ZFHX3: variants seen among roughly 807,000 people sequenced by gnomAD.
ZFHX3 encodes zinc finger homeobox protein 3.
Under a neutral mutation model 279.1 loss-of-function variants are expected in ZFHX3, and 42 were observed. The observed-to-expected ratio is 0.15, with a 90% CI of 0.12 to 0.19. The LOEUF (loss-of-function observed/expected upper bound fraction) is 0.19, where lower values mean the gene tolerates loss of function less well. ZFHX3 is among the 10% of genes least tolerant of loss of function. The probability of loss-of-function intolerance (pLI) is 1.00; values close to 1 mark genes in which losing one functional copy is unlikely to be tolerated. For missense variants in ZFHX3, 4,981 were observed against 4,754.0 expected, an observed-to-expected ratio of 1.05 and a Z score of -1.40; for synonymous variants, 2,293 against 1,957.8, an observed-to-expected ratio of 1.17 and a Z score of -4.52.
chr16:73,366,573 A>G (rs1404909167), intron 3 of ZFHX3, among the ~76,000 whole-genome samples: 3 of 134,886 alleles, frequency 2.2e-5, no homozygotes, highest in Non-Finnish European at 4.7e-5. Context: ...CTCTACAAAA[A>G]TACCAAACCA....
intron 3 of ZFHX3, among the ~76,000 whole-genome samples, chr16:73,345,021 C>T (rs2016098588): frequency 6.6e-6 from 1 of 152,090 alleles, no homozygotes; most frequent in African/African-American, 2.4e-5. Flanking sequence ...TGCCCTGTAT[C>T]CCTTGTCCTG....
At chr16:73,012,483 T>A (rs1485902542) in intron 1 of ZFHX3, among the ~76,000 whole-genome samples, 1 of 152,086 alleles carries the variant, frequency 6.6e-6, no homozygotes, top group African/African-American at 2.4e-5. Flanking sequence ...TGGGCAAGGA[T>A]CTTAAATACA....
intron 2 of ZFHX3, among the ~76,000 whole-genome samples, chr16:73,667,326 A>T (rs2052853505): frequency 6.6e-6 from 1 of 152,322 alleles, no homozygotes; most frequent in Middle Eastern, 3.4e-3. Flanking sequence ...TAGTTGAAGG[A>T]CACCTGGACG....
rs117213381 is a variant in ZFHX3, at chr16:72,825,584, A to G, written c.3529+4195T>C. On this transcript the variant is annotated intron_variant, in intron 5 of 9. Transcript: ENST00000268489. ...ATGGCAAATTGGGATAAACAGATGA[A>G]GCAGGACCTGTGTACCTGTGAGCAA... 4.5e-4 allele frequency among the ~76,000 whole-genome samples: 68 copies of G among 152,314 alleles called. No homozygotes were observed. In the South Asian group the frequency reaches 6.4e-3, roughly 14 times the overall value.
At chr16:73,749,609 A>C (rs1160671315) in intron 1 of ZFHX3, among the ~76,000 whole-genome samples, 3 of 152,214 alleles carry the variant, frequency 2.0e-5, no homozygotes, top group Non-Finnish European at 2.9e-5. Flanking sequence ...CCAGTGAGAA[A>C]ATAAAGCACC....
chr16:73,683,586 G>C (rs559175939), intron 1 of ZFHX3, among the ~76,000 whole-genome samples: 3 of 152,076 alleles, frequency 2.0e-5, no homozygotes, highest in Admixed American at 1.3e-4. Context: ...TTGTTGCCAA[G>C]GCTGGAGTGC....
intron 3 of ZFHX3, among the ~76,000 whole-genome samples, chr16:73,361,133 A>T (rs972924171): frequency 2.0e-5 from 3 of 152,250 alleles, no homozygotes; most frequent in African/African-American, 7.2e-5. Flanking sequence ...AAGAGCATCA[A>T]GTGGTCTGGA....
chr16:73,670,549 G>T (rs2052894627), intron 2 of ZFHX3, among the ~76,000 whole-genome samples: 1 of 152,268 alleles, frequency 6.6e-6, no homozygotes, highest in Non-Finnish European at 1.5e-5. Flanking sequence ...TAGAAATGTA[G>T]CATGAAGATT....
At chr16:73,591,873 G>A (rs1057408383) in intron 2 of ZFHX3, among the ~76,000 whole-genome samples, 4 of 151,780 alleles carry the variant, frequency 2.6e-5, no homozygotes, top group African/African-American at 9.7e-5. Flanking sequence ...GTGGATATTT[G>A]ATGATATTAA....
chr16:73,625,730 G>A (rs989514879), intron 2 of ZFHX3, among the ~76,000 whole-genome samples: 1 of 152,216 alleles, frequency 6.6e-6, no homozygotes, highest in Non-Finnish European at 1.5e-5. Flanking sequence ...TAGGTCCAGG[G>A]TGGGGCCCAG....
chr16:73,320,250 T>G (rs1028598143), intron 3 of ZFHX3, among the ~76,000 whole-genome samples: 4 of 152,184 alleles, frequency 2.6e-5, no homozygotes, highest in Admixed American at 2.6e-4. Flanking sequence ...TGACCCCTTA[T>G]TTAAAAAACA....
chr16:72,874,197 G>GGTTT (rs2038242298), intron 4 of ZFHX3, among the ~76,000 whole-genome samples: 1 of 89,698 alleles, frequency 1.1e-5, no homozygotes, highest in Admixed American at 1.3e-4. Context: ...AGGATTTTTT[G>GGTTT]ATTTTTTTTT....
At chr16:73,888,430 A>C (rs1230327341) in intron 1 of ZFHX3, among the ~76,000 whole-genome samples, 1 of 152,258 alleles carries the variant, frequency 6.6e-6, no homozygotes, top group Non-Finnish European at 1.5e-5. Context: ...TAAAGATTAA[A>C]AAAATAGTAA....
chr16:73,781,791 A>G (rs1486339337), intron 1 of ZFHX3, among the ~76,000 whole-genome samples: 2 of 152,196 alleles, frequency 1.3e-5, no homozygotes, highest in Non-Finnish European at 2.9e-5. Context: ...GTTTGAGACC[A>G]GCCTGACCAA....
At chr16:73,090,227 C>T (rs1333496588) in intron 8 of ZFHX3, among the ~76,000 whole-genome samples, 2 of 152,026 alleles carry the variant, frequency 1.3e-5, no homozygotes, top group African/African-American at 2.4e-5. Context: ...AACCCCATCT[C>T]TATGAAAAAT....
intron 2 of ZFHX3, among the ~76,000 whole-genome samples, chr16:73,458,491 T>C (rs1597343253): frequency 6.6e-6 from 1 of 152,022 alleles, no homozygotes. Context: ...ATCTCATGCC[T>C]CAGCCTCCTG....
intron 2 of ZFHX3, among the ~76,000 whole-genome samples, chr16:73,524,641 CTAGAT>C (rs2019661870): frequency 6.6e-6 from 1 of 152,182 alleles, no homozygotes; most frequent in Non-Finnish European, 1.5e-5. Context: ...ACGGAAGCCT[CTAGAT>C]TTGCTGTGGT....
At chr16:73,558,917 G>A (rs2020328551) in intron 2 of ZFHX3, among the ~76,000 whole-genome samples, 1 of 151,324 alleles carries the variant, frequency 6.6e-6, no homozygotes, top group African/African-American at 2.4e-5. Context: ...GTTTCACCAT[G>A]GTGGCCAGGC....
At chr16:73,448,508 C>A (rs2018225837) in intron 3 of ZFHX3, among the ~76,000 whole-genome samples, 1 of 151,750 alleles carries the variant, frequency 6.6e-6, no homozygotes, top group Non-Finnish European at 1.5e-5. Flanking sequence ...AGAAAAACTG[C>A]TACAGGGCAA....
Sources: gnomAD v4.1 joint callset for allele counts (sites outside exome capture counted in the v4.1 genomes callset) on GRCh38, gnomAD v4.1.1 for gene constraint, MANE v1.5 for transcripts, NCBI Gene and HGNC (gene_info 2026-07-23, HGNC 2026-07-21) for gene names.